Variants in SV2B observed in about 807,000 individuals in gnomAD.
SV2B encodes solute carrier family 22 member B2.
A neutral mutation model predicts 73.9 loss-of-function variants in SV2B; 41 were observed. The observed-to-expected ratio is 0.56, with a 90% CI of 0.43 to 0.72. SV2B has a LOEUF of 0.72. SV2B is among the 30% of genes least tolerant of loss of function. The pLI, the probability that SV2B is intolerant of heterozygous loss-of-function variation, is 0.00. For synonymous variants in SV2B, 314 were observed against 314.2 expected (o/e 1.00, Z 0.01); for missense variants, 764 against 857.8 (o/e 0.89, Z 1.37).
intron 1 of SV2B, among the ~76,000 whole-genome samples, chr15:91,127,006 A>G (rs1258600940): frequency 6.6e-6 from 1 of 152,248 alleles, no homozygotes; most frequent in Non-Finnish European, 1.5e-5. Context: ...GGGCTTTGGA[A>G]TGAAAGAACT....
In SV2B at chr15:91,105,288, A is replaced by G. The variant is rs1474040074; in HGVS notation, c.-392+4925A>G. On this transcript the variant is annotated intron_variant, in intron 1 of 12. Coordinates refer to ENST00000394232, the MANE Select transcript of SV2B (RefSeq NM_001323032.3). The surrounding 1 kb of genome is among the most constrained non-coding windows in gnomAD (Gnocchi z 5.5). ...CCTTGTTGTGTTGGAGTGGGAGGGTAGGGTAAAACGAAGTGTGGGTATTTT... is the reference window on the plus strand; with the variant it reads ...CCTTGTTGTGTTGGAGTGGGAGGGTGGGGTAAAACGAAGTGTGGGTATTTT... Among the ~76,000 whole-genome samples the G allele has an allele frequency of 6.6e-6, 1 of 152,192 alleles. No homozygotes were observed. The highest frequency in any genetic ancestry group is 1.5e-5 in the Non-Finnish European group (1 of 68,030).
chr15:91,301,846 G>A lies in SV2B; in HGVS notation c.*9294G>A, dbSNP rs115172482. 0.022 allele frequency among the ~76,000 whole-genome samples: 3,417 copies of A among 152,200 alleles called. 108 individuals carry two copies. The highest frequency in any genetic ancestry group is 0.073 in the African/African-American group (3,035 of 41,504). On this transcript the variant is annotated 3_prime_UTR_variant, in exon 13 of 13. Transcript: ENST00000394232. This position sits in a 1 kb window ranked among gnomAD's most constrained non-coding sequence, Gnocchi z 4.3. ...GCTTTTCCTTGGAGTACACGTTGGCGCTCAAAAAGTTTTCAATTTGGGAGC... is the reference window on the plus strand; with the variant it reads ...GCTTTTCCTTGGAGTACACGTTGGCACTCAAAAAGTTTTCAATTTGGGAGC...
rs2047002379 is a variant in SV2B, at chr15:91,241,299, G to A, written c.452-10520G>A. ...AGCTTCCTTGCACCTCTCTTACTCTGCTGTGTTCCCCACCCCTGGTTGCAT... is the reference window on the plus strand; with the variant it reads ...AGCTTCCTTGCACCTCTCTTACTCTACTGTGTTCCCCACCCCTGGTTGCAT... On this transcript the variant is annotated intron_variant, in intron 2 of 12. Transcript: ENST00000394232. The surrounding 1 kb of genome is among the most constrained non-coding windows in gnomAD (Gnocchi z 4.8). 6.6e-6 allele frequency among the ~76,000 whole-genome samples: 1 copy of A among 152,202 alleles called. No homozygotes were observed. Among genetic ancestry groups the A allele is most frequent in the Admixed American group, 6.5e-5 (1 of 15,292 alleles).
intron 2 of SV2B, among the ~76,000 whole-genome samples, chr15:91,249,099 CACACACACAT>C (rs750507798): frequency 0.011 from 1,599 of 148,764 alleles, 16 homozygotes; most frequent in Middle Eastern, 0.021. Context: ...CACACACACA[CACACACACAT>C]GTTTATGATC....
chr15:91,109,446 G>A (rs1305507698), intron 1 of SV2B, among the ~76,000 whole-genome samples: 1 of 152,316 alleles, frequency 6.6e-6, no homozygotes, highest in East Asian at 1.9e-4. Flanking sequence ...TGTGATAGGT[G>A]TGATTTACAA....
chr15:91,192,705 C>G (rs184693845), intron 1 of SV2B, among the ~76,000 whole-genome samples: 5 of 152,312 alleles, frequency 3.3e-5, no homozygotes, highest in Admixed American at 3.3e-4. Flanking sequence ...TTTTATTTCA[C>G]AAGGTAAAGG....
rs1380089038 is a variant in SV2B, at chr15:91,123,135, A to G, written c.-392+22772A>G. ...AACAAAGTACAAAAATTAGCTAAGCATGGTGGTGTGCGCTTGTAGTCTCAG... is the reference window on the plus strand; with the variant it reads ...AACAAAGTACAAAAATTAGCTAAGCGTGGTGGTGTGCGCTTGTAGTCTCAG... On this transcript the variant is annotated intron_variant, in intron 1 of 12. Coordinates refer to ENST00000394232, the MANE Select transcript of SV2B (RefSeq NM_001323032.3). This position sits in a 1 kb window ranked among gnomAD's most constrained non-coding sequence, Gnocchi z 4.7. Among the ~76,000 whole-genome samples, 2 of 151,800 alleles carry G rather than the reference A, an allele frequency of 1.3e-5. No homozygotes were observed. Among genetic ancestry groups the G allele is most frequent in the East Asian group, 3.9e-4 (2 of 5,174 alleles).
chr15:91,283,476 C>T lies in SV2B; in HGVS notation c.1508-545C>T, dbSNP rs113430742. On this transcript the variant is annotated intron_variant, in intron 10 of 12. Transcript: ENST00000394232. The surrounding 1 kb of genome is among the most constrained non-coding windows in gnomAD (Gnocchi z 4.3). ...TTAAAGGCAAGGTCTCCCTCTTTTGCCCAGGCTGGAATGCAGTGGCATGAC... is the reference window on the plus strand; with the variant it reads ...TTAAAGGCAAGGTCTCCCTCTTTTGTCCAGGCTGGAATGCAGTGGCATGAC... 4.9e-4 allele frequency among the ~76,000 whole-genome samples: 75 copies of T among 152,188 alleles called. 1 individual carries two copies. The highest frequency in any genetic ancestry group is 1.8e-3 in the African/African-American group (74 of 41,534).
At chr15:91,161,194 G>A (rs1483817784) in intron 1 of SV2B, among the ~76,000 whole-genome samples, 4 of 152,150 alleles carry the variant, frequency 2.6e-5, no homozygotes, top group Non-Finnish European at 5.9e-5. Flanking sequence ...TTTTGGGGGT[G>A]ATGCAAGTGT....
At chr15:91,184,984 A>G (rs1314459155) in intron 1 of SV2B, among the ~76,000 whole-genome samples, 1 of 152,264 alleles carries the variant, frequency 6.6e-6, no homozygotes, top group Non-Finnish European at 1.5e-5. Context: ...TCATTTTTAA[A>G]GAGGCACACT....
At chr15:91,228,536 G>T (rs2046458610) in intron 2 of SV2B, among the ~76,000 whole-genome samples, 1 of 152,168 alleles carries the variant, frequency 6.6e-6, no homozygotes, top group South Asian at 2.1e-4. Context: ...GTCCAAATTG[G>T]CAATGTCGGT....
rs187430677 is a variant in SV2B, at chr15:91,249,961, C to T, written c.452-1858C>T. Among the ~76,000 whole-genome samples the T allele has an allele frequency of 2.0e-4, 30 of 152,326 alleles. No homozygotes were observed. The East Asian group carries it at 4.4e-3, about 23-fold the overall frequency. On this transcript the variant is annotated intron_variant, in intron 2 of 12. Coordinates refer to ENST00000394232, the MANE Select transcript of SV2B (RefSeq NM_001323032.3). ...TAAAGAATAAGTAATGCCAACCTTTCTCAAACTCTTCCAGAAAATTGAAGG... is the reference window on the plus strand; with the variant it reads ...TAAAGAATAAGTAATGCCAACCTTTTTCAAACTCTTCCAGAAAATTGAAGG...
rs28478878 is a variant in SV2B at position 91,137,435 on chromosome 15, A to G, written c.-392+37072A>G. Among the ~76,000 whole-genome samples, 17,325 of 151,710 alleles carry G rather than the reference A, an allele frequency of 0.11. 1,033 individuals carry two copies. Among genetic ancestry groups the G allele is most frequent in the Middle Eastern group, 0.14 (42 of 294 alleles). On this transcript the variant is annotated intron_variant, in intron 1 of 12. Transcript: ENST00000394232. The surrounding 1 kb of genome is among the most constrained non-coding windows in gnomAD (Gnocchi z 4.9). ...ATATTTACAATGGATGAAGCAGTTA[A>G]CAAATCACTAGTGAGTAACTGTGTG...
chr15:91,255,010 C>A (rs1226473388), intron 4 of SV2B, among the ~76,000 whole-genome samples: 9 of 152,328 alleles, frequency 5.9e-5, no homozygotes, highest in Non-Finnish European at 7.4e-5. Context: ...GGGTTTAGAT[C>A]CACTTCCTTC....
In SV2B at chr15:91,118,904, A is replaced by G. The variant is rs1024400108; in HGVS notation, c.-392+18541A>G. On this transcript the variant is annotated intron_variant, in intron 1 of 12. Transcript: ENST00000394232. The surrounding 1 kb of genome is among the most constrained non-coding windows in gnomAD (Gnocchi z 4.7). Reference sequence around the variant, plus strand: ...CTCCTCTCATCGGCTCTGTGTGGAGACTTGCAATACTTTATATACTGGTGA... The same window carrying G: ...CTCCTCTCATCGGCTCTGTGTGGAGGCTTGCAATACTTTATATACTGGTGA... Among the ~76,000 whole-genome samples, 2 of 151,896 alleles carry G rather than the reference A, an allele frequency of 1.3e-5. No individual in the cohort carries two copies. The highest frequency in any genetic ancestry group is 4.8e-5 in the African/African-American group (2 of 41,324).
In SV2B at chr15:91,223,585, T is replaced by A. The variant is rs149214474; in HGVS notation, c.-391-2288T>A. ...TGTTATAGGGCCCCCAGGATGGAAA[T>A]AACACACCAGATCTCAGTCAGGTGG... On this transcript the variant is annotated intron_variant, in intron 1 of 12. Coordinates refer to ENST00000394232, the MANE Select transcript of SV2B (RefSeq NM_001323032.3). The surrounding 1 kb of genome is among the most constrained non-coding windows in gnomAD (Gnocchi z 4.6). Among the ~76,000 whole-genome samples, 1 of 152,194 alleles carries A rather than the reference T, an allele frequency of 6.6e-6. No individual in the cohort carries two copies. The highest frequency in any genetic ancestry group is 1.9e-4 in the East Asian group (1 of 5,198).
At chr15:91,108,539 G>A (rs1367921734) in intron 1 of SV2B, among the ~76,000 whole-genome samples, 1 of 152,210 alleles carries the variant, frequency 6.6e-6, no homozygotes, top group Non-Finnish European at 1.5e-5. Context: ...TAGATACATG[G>A]TGAATAAATG....
intron 6 of SV2B, among the ~76,000 whole-genome samples, chr15:91,262,546 G>A (rs936942337): frequency 4.6e-5 from 7 of 152,044 alleles, no homozygotes; most frequent in African/African-American, 1.7e-4. Flanking sequence ...TGTTGTACAG[G>A]TATTTTGTCA....
At chr15:91,193,363 C>T (rs1357566089) in intron 1 of SV2B, among the ~76,000 whole-genome samples, 2 of 152,140 alleles carry the variant, frequency 1.3e-5, no homozygotes, top group African/African-American at 2.4e-5. Flanking sequence ...TCCAGTGAAG[C>T]AGTGTTAACT....
Sources: gnomAD v4.1 joint callset for allele counts (sites outside exome capture counted in the v4.1 genomes callset) on GRCh38, gnomAD v4.1.1 for gene constraint, Gnocchi (gnomAD v3.1) non-coding constraint, MANE v1.5 for transcripts, NCBI Gene and HGNC (gene_info 2026-07-23, HGNC 2026-07-21) for gene names.